INSL6: variants seen among roughly 807,000 people sequenced by gnomAD.
The protein encoded by INSL6 is insulin like 6.
Under a neutral mutation model 9.4 loss-of-function variants are expected in INSL6, and 16 were observed. The observed-to-expected ratio is 1.70, with a 90% confidence interval of 1.15 to 2.59. The LOEUF (loss-of-function observed/expected upper bound fraction) is 2.59, where lower values mean the gene tolerates loss of function less well. INSL6 is among the 30% of genes most tolerant of loss of function. The pLI is 0.00. For synonymous variants in INSL6, 154 were observed against 96.9 expected (o/e 1.59, Z -3.46); for missense variants, 391 against 257.3 (o/e 1.52, Z -3.56).
At chr9:5,033,937 C>T in the INSL6 span, among the ~76,000 whole-genome samples, 16 of 152,264 alleles carry the variant, frequency 1.1e-4, no homozygotes, top group African/African-American at 3.4e-4. Flanking sequence ...TTAAAAGACA[C>T]AGACTGGTAA....
At chr9:5,041,624 C>G in the INSL6 span, 1 of 499,418 alleles carries the variant, frequency 2.0e-6, no homozygotes, top group African/African-American at 2.0e-5. Context: ...ACATGCGGCG[C>G]CTGGACTTTG....
At chr9:5,125,194 G>A (rs1413937384) in intron 3 of INSL6, among the ~76,000 whole-genome samples, 2 of 150,934 alleles carry the variant, frequency 1.3e-5, no homozygotes, top group Admixed American at 6.6e-5. Flanking sequence ...TTCATTTTGT[G>A]TATAAAAGTA....
At chr9:5,173,605 G>A (rs532606234) in intron 1 of INSL6, among the ~76,000 whole-genome samples, 1 of 151,928 alleles carries the variant, frequency 6.6e-6, no homozygotes, top group African/African-American at 2.4e-5. Flanking sequence ...AATGGGGCCT[G>A]TCAGAGGGTG....
chr9:5,043,130 C>T, the INSL6 span, among the ~76,000 whole-genome samples: 1 of 152,202 alleles, frequency 6.6e-6, no homozygotes, highest in East Asian at 1.9e-4. Flanking sequence ...GACCCAGCCC[C>T]GCAGGTGTAT....
chr9:4,993,736 T>C, the INSL6 span, among the ~76,000 whole-genome samples: 1 of 152,224 alleles, frequency 6.6e-6, no homozygotes, highest in African/African-American at 2.4e-5. Flanking sequence ...TCCTTATCTG[T>C]TCCTGGCTAT....
Position 5,173,860 on chromosome 9 carries a change from T to G in INSL6, c.290-9595A>C, listed in dbSNP as rs1006208247. Among the ~76,000 whole-genome samples, 31 of 152,088 alleles carry G rather than the reference T, an allele frequency of 2.0e-4. 2 individuals are homozygous for G. The highest frequency in any genetic ancestry group is 1.6e-3 in the Admixed American group (24 of 15,278). On this transcript the variant is annotated intron_variant, in intron 1 of 1. Coordinates refer to ENST00000381641, the MANE Select transcript of INSL6 (RefSeq NM_007179.3). ...CAAAACCTATCAACTTAGTTTACCA[T>G]GTTAATAGACACCCATCCTCAATCA...
At chr9:5,141,797 C>A (rs187447532) in intron 2 of INSL6, among the ~76,000 whole-genome samples, 3 of 152,262 alleles carry the variant, frequency 2.0e-5, no homozygotes, top group Admixed American at 6.5e-5. Context: ...TTTGCCCATG[C>A]CTATGTCCTG....
chr9:5,064,157 G>C, the INSL6 span, among the ~76,000 whole-genome samples: 1 of 150,166 alleles, frequency 6.7e-6, no homozygotes, highest in African/African-American at 2.5e-5. Flanking sequence ...CTCTGACTGG[G>C]CGGGGGCCAC....
chr9:5,050,944 C>T, the INSL6 span: 1 of 845,470 alleles, frequency 1.2e-6, no homozygotes, highest in Non-Finnish European at 1.9e-6. Context: ...TAGTTAAGTA[C>T]TCCTTATCTA....
At chr9:5,020,561 T>G in the INSL6 span, among the ~76,000 whole-genome samples, 1 of 151,962 alleles carries the variant, frequency 6.6e-6, no homozygotes, top group Non-Finnish European at 1.5e-5. Context: ...TGTAGGGAGT[T>G]GGCTAAGGAG....
the INSL6 span, among the ~76,000 whole-genome samples, chr9:5,021,110 T>C: frequency 3.3e-5 from 5 of 152,322 alleles, no homozygotes; most frequent in South Asian, 1.0e-3. Flanking sequence ...TCACTTACTC[T>C]TTCCCCACAT....
At chr9:5,053,075 T>C in the INSL6 span, among the ~76,000 whole-genome samples, 2 of 152,128 alleles carry the variant, frequency 1.3e-5, no homozygotes, top group Non-Finnish European at 2.9e-5. Flanking sequence ...GCTTAACTTT[T>C]CAAAAGCAGC....
At chr9:5,080,983 C>A in the INSL6 span, among the ~76,000 whole-genome samples, 1 of 150,346 alleles carries the variant, frequency 6.7e-6, no homozygotes, top group Non-Finnish European at 1.5e-5. Context: ...GCAAGCTCCA[C>A]CTCCAAGGTT....
the INSL6 span, chr9:5,098,724 C>A: frequency 6.7e-6 from 1 of 149,764 alleles, no homozygotes; most frequent in Non-Finnish European, 1.5e-5. Flanking sequence ...GACAGAGTCT[C>A]GCTCTGTCGC....
At chr9:5,020,191 G>A in the INSL6 span, among the ~76,000 whole-genome samples, 6 of 152,142 alleles carry the variant, frequency 3.9e-5, no homozygotes, top group African/African-American at 1.4e-4. Context: ...TGGCTGGGTA[G>A]GCAAGTCCTA....
the INSL6 span, among the ~76,000 whole-genome samples, chr9:5,105,436 C>G: frequency 6.6e-6 from 1 of 152,184 alleles, no homozygotes; most frequent in Admixed American, 6.5e-5. Flanking sequence ...AATGGAAGAA[C>G]ATTCCATGCT....
chr9:5,134,838 T>C (rs1196777327), intron 2 of INSL6, among the ~76,000 whole-genome samples: 2 of 152,090 alleles, frequency 1.3e-5, no homozygotes, highest in Non-Finnish European at 2.9e-5. Flanking sequence ...CACATAACAA[T>C]ATTAACCTTA....
chr9:5,060,267 T>C, the INSL6 span, among the ~76,000 whole-genome samples: 1 of 152,290 alleles, frequency 6.6e-6, no homozygotes, highest in East Asian at 1.9e-4. Flanking sequence ...CTGCTTAAGG[T>C]TGGGTTGGCC....
chr9:5,056,674 G>C, the INSL6 span, among the ~76,000 whole-genome samples: 1 of 152,080 alleles, frequency 6.6e-6, no homozygotes, highest in Non-Finnish European at 1.5e-5. Context: ...GCCTAGTTTA[G>C]AAAAAGCTTG....
Sources: gnomAD v4.1 joint callset for allele counts (sites outside exome capture counted in the v4.1 genomes callset) on GRCh38, gnomAD v4.1.1 for gene constraint, MANE v1.5 for transcripts, NCBI Gene and HGNC (gene_info 2026-07-23, HGNC 2026-07-21) for gene names.